PIWIL2: variants seen among roughly 807,000 people sequenced by gnomAD.
PIWIL2 encodes piwi like RNA-mediated gene silencing 2, also known as piwi-like protein 2.
A neutral mutation model predicts 116.5 loss-of-function variants in PIWIL2; 81 were observed. The observed-to-expected ratio is 0.70, with a 90% confidence interval of 0.58 to 0.84. PIWIL2 has a LOEUF of 0.84. Ranked by LOEUF, PIWIL2 falls within the 40% of genes least tolerant of loss-of-function variation. The pLI is 0.00. For missense variants in PIWIL2, 1,272 were observed against 1,212.3 expected (o/e 1.05, Z -0.73); for synonymous variants, 489 against 429.5 (o/e 1.14, Z -1.71).
At chr8:22,290,131 A>G (rs1376977418) in intron 9 of PIWIL2, 102 bp from the exon 10 acceptor site, 17 of 745,694 alleles carry the variant, frequency 2.3e-5, no homozygotes, top group South Asian at 9.1e-5. Context: ...TCTCATTACT[A>G]TTAGGGAAGG....
chr8:22,349,378 C>A (rs1012331149), intron 20 of PIWIL2, among the ~76,000 whole-genome samples: 1 of 147,294 alleles, frequency 6.8e-6, no homozygotes, highest in South Asian at 2.2e-4. Flanking sequence ...TATCCTTGAT[C>A]TAGCTCGGTC....
At chr8:22,333,138 C>T (rs1831900198) in intron 20 of PIWIL2, among the ~76,000 whole-genome samples, 1 of 151,968 alleles carries the variant, frequency 6.6e-6, no homozygotes. Flanking sequence ...GTTGTACTCT[C>T]TAGGGTAACT....
rs1417214871 is a variant in PIWIL2, at chr8:22,316,264, G to C, written c.2228G>C (p.Gly743Ala). ...AACTAGAAACAGTTAATGGTGATCG[G>C]GATGGATGTTTACCATGACCCCAGT... ...DIPLKQLMVI[G>A]MDVYHDPSRG... The change falls in exon 19 of 23, where the codon GGG (glycine) becomes GCG (alanine). Residue 743 changes from glycine (G) to alanine (A), a missense_variant. By Grantham distance (60) the Gly-to-Ala change is moderately conservative. Transcript: ENST00000356766. 3.7e-6 allele frequency: 6 copies of C among 1,612,684 alleles called. No homozygotes were observed. Among genetic ancestry groups the C allele is most frequent in the Non-Finnish European group, 5.1e-6 (6 of 1,178,768 alleles).
At chr8:22,334,397 CT>C (rs1408455041) in intron 20 of PIWIL2, among the ~76,000 whole-genome samples, 2 of 151,674 alleles carry the variant, frequency 1.3e-5, no homozygotes, top group South Asian at 2.1e-4. Context: ...TGGCGGGCGC[CT>C]ATAGCCCCAG....
At chr8:22,313,933 G>A (rs773396142) in intron 16 of PIWIL2, among the ~76,000 whole-genome samples, 1 of 152,188 alleles carries the variant, frequency 6.6e-6, no homozygotes, top group Non-Finnish European at 1.5e-5. Flanking sequence ...TCTGTGGTAT[G>A]AGTGTAATAA....
chr8:22,288,922 A>G (rs566460985), intron 8 of PIWIL2, among the ~76,000 whole-genome samples: 2 of 152,286 alleles, frequency 1.3e-5, no homozygotes, highest in South Asian at 4.1e-4. Flanking sequence ...GTGTTCAGGA[A>G]CTTTGAAAGC....
At position 22,290,353 on chromosome 8, in the gene PIWIL2, G is replaced by T. The variant is rs368061502; in HGVS notation, c.1181+7G>T. 3.0e-5 allele frequency: 45 copies of T among 1,495,268 alleles called. No homozygotes were observed. Among genetic ancestry groups the T allele is most frequent in the Non-Finnish European group, 3.9e-5 (42 of 1,073,256 alleles). 92.6% of individuals were successfully genotyped at this position (1,495,268 alleles called of 1,614,324 possible). The stretch of plus-strand genomic sequence containing the variant: ...ACTGTGTGCTGGATGTCATGTGAGT[G>T]AATGGTGGGGTCTATCTTTAACATG... On this transcript the variant is annotated splice_region_variant and intron_variant, in intron 10 of 22. Coordinates refer to ENST00000356766, the MANE Select transcript of PIWIL2 (RefSeq NM_018068.5).
intron 10 of PIWIL2, among the ~76,000 whole-genome samples, chr8:22,293,337 C>CA (rs373957612): frequency 2.5e-4 from 38 of 150,038 alleles, no homozygotes; most frequent in African/African-American, 6.6e-4. Flanking sequence ...TTTTATTTTC[C>CA]TTTTTTTTTT....
At chr8:22,315,206 G>C in intron 18 of PIWIL2, 61 bp downstream of exon 18, 2 of 945,616 alleles carry the variant, frequency 2.1e-6, no homozygotes. Flanking sequence ...CTGTTTTCCT[G>C]TTTTTCCTTA....
intron 20 of PIWIL2, among the ~76,000 whole-genome samples, chr8:22,348,973 G>C (rs1001105324): frequency 5.9e-5 from 9 of 152,124 alleles, no homozygotes; most frequent in Admixed American, 2.6e-4. Context: ...TGAACTCAGT[G>C]GTTAGTTGGC....
chr8:22,343,504 A>ATCCCCT (rs1252851088), intron 20 of PIWIL2, among the ~76,000 whole-genome samples: 7 of 152,300 alleles, frequency 4.6e-5, no homozygotes, highest in Non-Finnish European at 1.0e-4. Flanking sequence ...AGGCTGAGGC[A>ATCCCCT]GGAGAACTGC....
chr8:22,289,302 G>A (rs1476102186), intron 8 of PIWIL2, among the ~76,000 whole-genome samples: 2 of 151,984 alleles, frequency 1.3e-5, no homozygotes, highest in Non-Finnish European at 2.9e-5. Flanking sequence ...ACAGGCATGC[G>A]CTGCCACGTC....
chr8:22,292,415 G>C (rs1364822830), intron 10 of PIWIL2, among the ~76,000 whole-genome samples: 1 of 152,230 alleles, frequency 6.6e-6, no homozygotes, highest in African/African-American at 2.4e-5. Flanking sequence ...TAAGGAGTCA[G>C]ATTCTGGACA....
At chr8:22,328,448 G>A (rs987211395) in intron 20 of PIWIL2, among the ~76,000 whole-genome samples, 8 of 152,090 alleles carry the variant, frequency 5.3e-5, no homozygotes, top group African/African-American at 1.7e-4. Context: ...TTTGAGAGAA[G>A]GTTTTTTTGT....
At chr8:22,310,806 T>A (rs1563384310) in intron 15 of PIWIL2, among the ~76,000 whole-genome samples, 1 of 152,212 alleles carries the variant, frequency 6.6e-6, no homozygotes, top group East Asian at 1.9e-4. Context: ...GTACTTTACA[T>A]ATACATGGAA....
chr8:22,340,996 A>G (rs1201269537), intron 20 of PIWIL2, among the ~76,000 whole-genome samples: 1 of 152,172 alleles, frequency 6.6e-6, no homozygotes, highest in East Asian at 1.9e-4. Flanking sequence ...TATAGGCATG[A>G]ACCACTGCAC....
chr8:22,316,493 A>T (rs1307461360), intron 19 of PIWIL2, among the ~76,000 whole-genome samples, 160 bp downstream of exon 19: 4 of 147,826 alleles, frequency 2.7e-5, no homozygotes, highest in African/African-American at 7.5e-5. Flanking sequence ...TTCGGGGGGG[A>T]GGGGTGGAAA....
chr8:22,341,593 C>T (rs1832110664), intron 20 of PIWIL2, among the ~76,000 whole-genome samples: 2 of 92,428 alleles, frequency 2.2e-5, no homozygotes, highest in Admixed American at 3.1e-4. Flanking sequence ...GAAACTCCGT[C>T]TCAAAAAAAA....
intron 6 of PIWIL2, among the ~76,000 whole-genome samples, 185 bp downstream of exon 6, chr8:22,284,457 A>G (rs996029655): frequency 2.0e-5 from 3 of 152,166 alleles, no homozygotes; most frequent in East Asian, 1.9e-4. Flanking sequence ...ATTTAGCTAT[A>G]TTACCAATCT....
Sources: gnomAD v4.1 joint callset for allele counts (sites outside exome capture counted in the v4.1 genomes callset) on GRCh38, gnomAD v4.1.1 for gene constraint, MANE v1.5 for transcripts, NCBI Gene and HGNC (gene_info 2026-07-23, HGNC 2026-07-21) for gene names.